The following DHTKD1 variants were observed in gnomAD, a reference collection of about 807,000 sequenced individuals.
The protein encoded by DHTKD1 is 2-oxoadipate dehydrogenase complex component E1.
In DHTKD1, 78 loss-of-function variants were observed where a neutral mutation model predicts 101.8. The ratio of observed to expected loss-of-function variants is 0.77; its 90% CI spans 0.64 to 0.93. The LOEUF is 0.93. Among genes scored for constraint, DHTKD1 ranks in the 40% least tolerant of loss-of-function variants. The probability of loss-of-function intolerance (pLI) is 0.00; values close to 1 mark genes in which losing one functional copy is unlikely to be tolerated. For missense variants in DHTKD1, 1,223 were observed against 1,161.7 expected, an observed-to-expected ratio of 1.05 and a Z score of -0.77; for synonymous variants, 462 against 450.3, an observed-to-expected ratio of 1.03 and a Z score of -0.33.
chr10:12,122,992 C>T lies in DHTKD1; in HGVS notation c.*2104C>T, dbSNP rs748696841. The T allele has an allele frequency of 7.2e-5, 11 of 152,218 alleles. No individual in the cohort carries two copies. The highest frequency in any genetic ancestry group is 1.6e-4 in the Non-Finnish European group (11 of 68,040). The allele number at this position is 152,218 out of a possible 1,614,324, so 9.4% of individuals were successfully genotyped here. A position where few individuals can be genotyped will look rare whatever the true frequency, so the allele number is the denominator to read the frequency against. On this transcript the variant is annotated 3_prime_UTR_variant, in exon 17 of 17. Coordinates refer to ENST00000263035, the MANE Select transcript of DHTKD1 (RefSeq NM_018706.7). ...GCCACAGTGGTAGATTTATGATTCACATCCGAAAGTGTGCCTTAGTTATCA... is the reference window on the plus strand; with the variant it reads ...GCCACAGTGGTAGATTTATGATTCATATCCGAAAGTGTGCCTTAGTTATCA...
Position 12,120,837 on chromosome 10 carries a change from C to A in DHTKD1, c.2709C>A (p.Gly903=), listed in dbSNP as rs1039049318. 2 of 1,614,008 alleles carry A rather than the reference C, an allele frequency of 1.2e-6. No individual in the cohort carries two copies. Among genetic ancestry groups the A allele is most frequent in the Non-Finnish European group, 1.7e-6 (2 of 1,180,008 alleles). ...TGCCAGTACCCGCTGTAGGAATTGG[C>A]ACAGTTCACTTGCACCAGCATGAAG... The part of the protein sequence containing the change: ...PPLPVPAVGI[G]TVHLHQHEDI... Residue 903 remains glycine, a synonymous_variant, in exon 17 of 17, where the codon GGC becomes GGA. Coordinates refer to ENST00000263035, the MANE Select transcript of DHTKD1 (RefSeq NM_018706.7).
intron 1 of DHTKD1, among the ~76,000 whole-genome samples, chr10:12,081,048 C>T (rs1832808761): frequency 6.6e-6 from 1 of 151,938 alleles, no homozygotes. Context: ...CGCCTGTAAT[C>T]CCAGCACTTT....
intron 5 of DHTKD1, 46 bp downstream of exon 5, chr10:12,089,301 G>A: frequency 6.3e-7 from 1 of 1,580,738 alleles, no homozygotes; most frequent in South Asian, 1.1e-5. Context: ...GGAAAACTGG[G>A]AAGAATGTGT....
intron 2 of DHTKD1, among the ~76,000 whole-genome samples, chr10:12,083,910 A>G (rs10795930): frequency 0.48 from 72,369 of 151,672 alleles, 19,334 homozygotes; most frequent in South Asian, 0.72. Context: ...CATTAATAAT[A>G]ACCCAAGTTA....
chr10:12,076,295 G>C (rs1389168040), intron 1 of DHTKD1, among the ~76,000 whole-genome samples: 1 of 152,064 alleles, frequency 6.6e-6, no homozygotes, highest in Non-Finnish European at 1.5e-5. Context: ...GGCTAACACG[G>C]TGAAACCCCG....
At chr10:12,095,469 G>C (rs1833051631) in intron 7 of DHTKD1, among the ~76,000 whole-genome samples, 3 of 151,930 alleles carry the variant, frequency 2.0e-5, no homozygotes, top group Admixed American at 2.0e-4. Flanking sequence ...CTTGAGGTCA[G>C]GAGTTTGAGA....
Position 12,081,642 on chromosome 10 carries a change from C to T in DHTKD1, c.310+15C>T, listed in dbSNP as rs1832821115. ...CCACACGGCAGGTATGGCTTCTGCA[C>T]AGCAGGCGGGAGCTCGGAGCTGCAC... On this transcript the variant is annotated intron_variant, in intron 2 of 16. Transcript: ENST00000263035. 1.2e-6 allele frequency: 2 copies of T among 1,613,960 alleles called. No homozygotes were observed. The highest frequency in any genetic ancestry group is 1.3e-5 in the African/African-American group (1 of 75,048).
chr10:12,117,419 A>C (rs1477611541), intron 13 of DHTKD1, among the ~76,000 whole-genome samples: 1 of 149,942 alleles, frequency 6.7e-6, no homozygotes, highest in Non-Finnish European at 1.5e-5. Context: ...ACTGGCCTCC[A>C]GCGATCCTCC....
Position 12,097,857 on chromosome 10 carries a change from G to A in DHTKD1, c.1532G>A (p.Gly511Asp). The A allele has an allele frequency of 6.2e-7, 1 of 1,614,214 alleles. No individual in the cohort carries two copies. The highest frequency in any genetic ancestry group is 8.5e-7 in the Non-Finnish European group (1 of 1,180,046). The change falls in exon 8 of 17, where the codon GGC becomes GAC. Residue 511 changes from glycine to aspartate, a missense_variant. Coordinates refer to ENST00000263035, the MANE Select transcript of DHTKD1 (RefSeq NM_018706.7). ...CTGAACCTGCAGGCCCACTGGCAGG[G>A]CCTGGCTCAGCCAGAAGCGCAAATC... ...PALNLQAHWQ[G>D]LAQPEAQITT... is the part of the protein sequence containing the mutation.
In DHTKD1 at chr10:12,120,239, C is replaced by T. The variant is rs764176320; in HGVS notation, c.2630C>T (p.Pro877Leu). Residue 877 changes from proline (P) to leucine (L), a missense_variant, in exon 16 of 17, where the codon CCA becomes CTA. Coordinates refer to ENST00000263035, the MANE Select transcript of DHTKD1 (RefSeq NM_018706.7). ...ATGGGTCCGTGGTCGTTTGTTTCTC[C>T]AAGGTTTGAAAAGCAGCTGGCCTGC... ...QNMGPWSFVS[P>L]RFEKQLACKL... The T allele has an allele frequency of 3.7e-6, 6 of 1,613,958 alleles. No individual in the cohort carries two copies. The South Asian group carries it at 6.6e-5, about 18-fold the overall frequency.
At chr10:12,119,615 CAAAAAAAAAA>C (rs71382684) in intron 15 of DHTKD1, among the ~76,000 whole-genome samples, 1 of 89,354 alleles carries the variant, frequency 1.1e-5, no homozygotes, top group Non-Finnish European at 2.2e-5. Flanking sequence ...GACTCCGTCT[CAAAAAAAAAA>C]AAAAAAAAAA....
At chr10:12,084,879 C>G in intron 3 of DHTKD1, 128 bp downstream of exon 3, 1 of 707,840 alleles carries the variant, frequency 1.4e-6, no homozygotes, top group Non-Finnish European at 2.4e-6. Flanking sequence ...GGAGAAACCC[C>G]ATCTCTACTA....
chr10:12,074,714 G>A (rs561052455), intron 1 of DHTKD1, among the ~76,000 whole-genome samples: 1 of 151,424 alleles, frequency 6.6e-6, no homozygotes, highest in East Asian at 2.0e-4. Context: ...CTCCAGCCTG[G>A]GCCACGGAGT....
Position 12,117,837 on chromosome 10 carries a change from G to T in DHTKD1, c.2402+82G>T. On this transcript the variant is annotated intron_variant, in intron 14 of 16. Coordinates refer to ENST00000263035, the MANE Select transcript of DHTKD1 (RefSeq NM_018706.7). ...AGTAGTTCACATTAAGAGATCACAG[G>T]TGATGCAGATCTCCCCTCTCCTATT... is the stretch of plus-strand genomic sequence containing the variant. 3 of 339,236 alleles carry T rather than the reference G, an allele frequency of 8.8e-6. 1 individual carries two copies. Among genetic ancestry groups the T allele is most frequent in the South Asian group, 1.1e-4 (2 of 17,492 alleles). 21.0% of individuals were successfully genotyped at this position (339,236 alleles called of 1,614,324 possible). A position where few individuals can be genotyped will look rare whatever the true frequency, so the allele number is the denominator to read the frequency against.
At position 12,103,168 on chromosome 10, in the gene DHTKD1, G is replaced by A. The variant is rs111502063; in HGVS notation, c.1896+1987G>A. On this transcript the variant is annotated intron_variant, in intron 10 of 16. Coordinates refer to ENST00000263035, the MANE Select transcript of DHTKD1 (RefSeq NM_018706.7). The surrounding 1 kb of genome is among the most constrained non-coding windows in gnomAD (Gnocchi z 4.8). ...AACCCAGGAGGCAGAGGTAGTGAGC[G>A]GAGATCATACCACTGCCCTCCAGTT... 3.4e-4 allele frequency among the ~76,000 whole-genome samples: 52 copies of A among 152,186 alleles called. No homozygotes were observed. The highest frequency in any genetic ancestry group is 1.2e-3 in the African/African-American group (51 of 41,550).
At chr10:12,109,038 G>A (rs575498534) in intron 12 of DHTKD1, among the ~76,000 whole-genome samples, 5 of 152,144 alleles carry the variant, frequency 3.3e-5, no homozygotes, top group Admixed American at 1.3e-4. Context: ...TGTAATCCAA[G>A]CTACTCGGGA....
intron 1 of DHTKD1, 83 bp downstream of exon 1, chr10:12,069,270 T>G: frequency 5.4e-6 from 5 of 928,218 alleles, no homozygotes; most frequent in East Asian, 6.7e-5. Context: ...GGTGTCGGGG[T>G]CGGGGAACCG....
intron 1 of DHTKD1, among the ~76,000 whole-genome samples, chr10:12,074,561 T>C (rs553913574): frequency 6.6e-6 from 1 of 151,744 alleles, no homozygotes; most frequent in Non-Finnish European, 1.5e-5. Context: ...GGTTTCACCG[T>C]GTTAGCCAGG....
intron 6 of DHTKD1, among the ~76,000 whole-genome samples, chr10:12,092,761 C>G (rs956542402): frequency 6.6e-6 from 1 of 151,894 alleles, no homozygotes; most frequent in Non-Finnish European, 1.5e-5. Flanking sequence ...CAAGATCAGG[C>G]CATTGCACTA....
Sources: gnomAD v4.1 joint callset for allele counts (sites outside exome capture counted in the v4.1 genomes callset) on GRCh38, gnomAD v4.1.1 for gene constraint, Gnocchi (gnomAD v3.1) non-coding constraint, MANE v1.5 for transcripts, NCBI Gene and HGNC (gene_info 2026-07-23, HGNC 2026-07-21) for gene names.